Variants in GHR observed in about 807,000 individuals in gnomAD.
GHR encodes growth hormone receptor, also known as GH receptor.
GHR carries 35 observed loss-of-function variants against 67.1 expected under a neutral mutation model. The ratio of observed to expected loss-of-function variants is 0.52; its 90% CI spans 0.40 to 0.69. The LOEUF is 0.69. Among genes scored for constraint, GHR ranks in the 30% least tolerant of loss-of-function variants. GHR has a pLI of 0.00. For missense variants in GHR, 792 were observed against 764.6 expected (o/e 1.04, Z -0.42); for synonymous variants, 272 against 269.1 (o/e 1.01, Z -0.10).
intron 1 of GHR, among the ~76,000 whole-genome samples, chr5:42,488,468 C>T (rs1745975996): frequency 6.6e-6 from 1 of 152,138 alleles, no homozygotes; most frequent in Admixed American, 6.5e-5. Flanking sequence ...AATACAACAC[C>T]TTATTCTCAT....
At chr5:42,570,874 G>T (rs1247681859) in intron 2 of GHR, among the ~76,000 whole-genome samples, 1 of 152,144 alleles carries the variant, frequency 6.6e-6, no homozygotes, top group Non-Finnish European at 1.5e-5. Flanking sequence ...GAATTTGAAA[G>T]GGATGAATTA....
At chr5:42,711,404 A>T (rs1758454415) in intron 7 of GHR, 32 bp downstream of exon 7, 8 of 1,524,910 alleles carry the variant, frequency 5.2e-6, no homozygotes, top group Non-Finnish European at 7.3e-6. Flanking sequence ...AATAGTAGCT[A>T]ACCTGGCTTT....
At chr5:42,594,118 A>G (rs926389571) in intron 2 of GHR, among the ~76,000 whole-genome samples, 1 of 152,220 alleles carries the variant, frequency 6.6e-6, no homozygotes, top group African/African-American at 2.4e-5. Context: ...TCAGCAATGT[A>G]CTCATGAAAA....
chr5:42,566,029 T>C, intron 2 of GHR, 85 bp downstream of exon 2: 1 of 1,502,634 alleles, frequency 6.7e-7, no homozygotes, highest in Non-Finnish European at 9.3e-7. Flanking sequence ...TTTGGATGAT[T>C]TTATTAAAAG....
At chr5:42,476,231 G>C (rs1317440986) in intron 1 of GHR, among the ~76,000 whole-genome samples, 1 of 136,470 alleles carries the variant, frequency 7.3e-6, no homozygotes, top group African/African-American at 2.8e-5. Context: ...TTTTGTTTTT[G>C]TTTTTTTGAG....
In GHR at chr5:42,424,737, G is replaced by A; in HGVS notation, c.-12+782G>A. On this transcript the variant is annotated intron_variant, in intron 1 of 9. Coordinates refer to ENST00000230882, the MANE Select transcript of GHR (RefSeq NM_000163.5). The surrounding 1 kb of genome is among the most constrained non-coding windows in gnomAD (Gnocchi z 4.1). ...GTGGCCGCGTGTCTAGGGAGAGGGC[G>A]CTGGCGGCGCAGAGGGTGCGGGGCA... is the stretch of plus-strand genomic sequence containing the variant. The A allele has an allele frequency of 1.1e-6, 1 of 932,756 alleles. No homozygotes were observed. The highest frequency in any genetic ancestry group is 1.7e-6 in the Non-Finnish European group (1 of 596,412). The allele number at this position is 932,756 out of a possible 1,614,324, so 57.8% of individuals were successfully genotyped here. A position where few individuals can be genotyped will look rare whatever the true frequency, so the allele number is the denominator to read the frequency against.
At chr5:42,668,039 T>C (rs1362416333) in intron 3 of GHR, among the ~76,000 whole-genome samples, 3 of 152,158 alleles carry the variant, frequency 2.0e-5, no homozygotes, top group Non-Finnish European at 2.9e-5. Flanking sequence ...ATCTTCAAGG[T>C]AGATCCAAAT....
chr5:42,695,059 G>A lies in GHR; in HGVS notation c.409G>A (p.Asp137Asn), dbSNP rs370989593. 3 of 1,611,490 alleles carry A rather than the reference G, an allele frequency of 1.9e-6. No homozygotes were observed. Among genetic ancestry groups the A allele is most frequent in the Non-Finnish European group, 1.7e-6 (2 of 1,177,688 alleles). ...IKLTSNGGTV[D>N]EKCFSVDEIV... ...GCTAACTAGCAATGGTGGTACAGTG[G>A]ATGAAAAGTGTTTCTCTGTTGATGA... Residue 137 changes from aspartate to asparagine, a missense_variant, in exon 5 of 10, where the codon GAT becomes AAT. Asp to Asn is a conservative substitution (Grantham distance 23). Transcript: ENST00000230882.
At chr5:42,544,667 G>C (rs144212281) in intron 1 of GHR, among the ~76,000 whole-genome samples, 1 of 152,040 alleles carries the variant, frequency 6.6e-6, no homozygotes, top group African/African-American at 2.4e-5. Context: ...GTCACTCACC[G>C]TAAGAAAATA....
intron 2 of GHR, among the ~76,000 whole-genome samples, chr5:42,614,559 ATTTTTTTTTTTTTTTTTT>A (rs553365880): frequency 3.1e-5 from 2 of 65,410 alleles, no homozygotes; most frequent in East Asian, 1.1e-3. Flanking sequence ...CATAGAGGAC[ATTTTTTTTTTTTTTTTTT>A]TTTTTTTTTT....
intron 5 of GHR, among the ~76,000 whole-genome samples, chr5:42,699,402 A>G (rs905284139): frequency 4.6e-5 from 7 of 152,198 alleles, no homozygotes; most frequent in African/African-American, 1.7e-4. Flanking sequence ...GTTGCAAGAA[A>G]AAAGGTTTCT....
At chr5:42,546,754 A>T (rs1748749623) in intron 1 of GHR, among the ~76,000 whole-genome samples, 1 of 152,182 alleles carries the variant, frequency 6.6e-6, no homozygotes, top group Admixed American at 6.5e-5. Context: ...AGAGAAAGTG[A>T]GATAAATGGA....
chr5:42,466,820 A>G, intron 1 of GHR: 1 of 1,138,608 alleles, frequency 8.8e-7, no homozygotes, highest in South Asian at 2.6e-5. Flanking sequence ...GAAAACAGCA[A>G]AGAGGTGTCT....
intron 1 of GHR, among the ~76,000 whole-genome samples, chr5:42,486,608 G>T (rs970233928): frequency 1.3e-5 from 2 of 152,182 alleles, no homozygotes; most frequent in Non-Finnish European, 2.9e-5. Flanking sequence ...AGCACTTTGG[G>T]AGTCCGAGGC....
chr5:42,567,530 A>G (rs1750009687), intron 2 of GHR, among the ~76,000 whole-genome samples: 1 of 152,218 alleles, frequency 6.6e-6, no homozygotes, highest in Admixed American at 6.5e-5. Flanking sequence ...AGTTTATACT[A>G]AACACAAATC....
At chr5:42,473,409 A>G (rs1221333851) in intron 1 of GHR, among the ~76,000 whole-genome samples, 2 of 152,108 alleles carry the variant, frequency 1.3e-5, no homozygotes, top group East Asian at 3.9e-4. Flanking sequence ...TTCTCTATAG[A>G]TAGAAATAAT....
intron 1 of GHR, among the ~76,000 whole-genome samples, chr5:42,540,183 TTCTCTCTCTCTC>T (rs57962722): frequency 3.2e-4 from 46 of 144,500 alleles, no homozygotes; most frequent in African/African-American, 9.2e-4. Flanking sequence ...TGTTACTGTA[TTCTCTCTCTCTC>T]TCTCTCTCTC....
At chr5:42,653,703 T>G (rs1039174291) in intron 3 of GHR, among the ~76,000 whole-genome samples, 1 of 152,170 alleles carries the variant, frequency 6.6e-6, no homozygotes, top group Non-Finnish European at 1.5e-5. Flanking sequence ...TTGAGAGATA[T>G]TGCTTCTTGA....
At chr5:42,695,160 A>G (rs935990204) in intron 5 of GHR, 71 bp downstream of exon 5, 2 of 984,792 alleles carry the variant, frequency 2.0e-6, no homozygotes, top group Non-Finnish European at 3.3e-6. Context: ...GCAAGGTCCA[A>G]GTATAATCAA....
Sources: allele counts gnomAD v4.1 joint callset (sites outside exome capture counted in the v4.1 genomes callset), GRCh38; gene constraint gnomAD v4.1.1; non-coding constraint Gnocchi (gnomAD v3.1); transcripts MANE v1.5; gene names NCBI Gene and HGNC (gene_info 2026-07-23, HGNC 2026-07-21).